Variants in PAPPA observed in about 807,000 individuals in gnomAD.
PAPPA encodes the protein pappalysin-1.
A neutral mutation model predicts 164.0 loss-of-function variants in PAPPA; 60 were observed. The observed-to-expected ratio is 0.37, with a 90% CI of 0.30 to 0.45. The LOEUF is 0.45. Among genes scored for constraint, PAPPA ranks in the 20% least tolerant of loss-of-function variants. PAPPA has a pLI of 1.00. For missense variants in PAPPA, 1,782 were observed against 2,087.3 expected (o/e 0.85, Z 2.85); for synonymous variants, 875 against 814.1 (o/e 1.07, Z -1.27).
intron 21 of PAPPA, among the ~76,000 whole-genome samples, chr9:116,383,401 A>C (rs1846758434): frequency 6.6e-6 from 1 of 152,216 alleles, no homozygotes; most frequent in African/African-American, 2.4e-5. Context: ...GAGACAGGAA[A>C]AGCAAAGAAT....
At chr9:116,323,084 C>G (rs926207547) in intron 10 of PAPPA, among the ~76,000 whole-genome samples, 2 of 152,178 alleles carry the variant, frequency 1.3e-5, no homozygotes, top group Non-Finnish European at 2.9e-5. Context: ...CCCCCGCTCC[C>G]CCTCTTCTCC....
chr9:116,382,603 C>T, intron 21 of PAPPA, 110 bp downstream of exon 21: 1 of 745,976 alleles, frequency 1.3e-6, no homozygotes, highest in South Asian at 1.4e-5. Context: ...TCTGCCAGCA[C>T]TGTCCACACG....
rs140618235 is a variant in PAPPA, at chr9:116,343,364, A to G, written c.3612-1179A>G. 4.6e-5 allele frequency among the ~76,000 whole-genome samples: 7 copies of G among 152,322 alleles called. No homozygotes were observed. The East Asian group carries it at 1.4e-3, about 29-fold the overall frequency. On this transcript the variant is annotated intron_variant, in intron 13 of 21. Coordinates refer to ENST00000328252, the MANE Select transcript of PAPPA (RefSeq NM_002581.5). The stretch of plus-strand genomic sequence containing the variant: ...CACTGAGGAACTGAGTTTTTAATAC[A>G]TCAAACATGAGGCAACAGCATTATA...
chr9:116,387,899 C>T (rs1023058582), intron 21 of PAPPA, among the ~76,000 whole-genome samples: 1 of 152,162 alleles, frequency 6.6e-6, no homozygotes, highest in African/African-American at 2.4e-5. Context: ...CTTCATAGAC[C>T]TCCAGGAATG....
In PAPPA at chr9:116,347,314, GT is replaced by G; in HGVS notation, c.3964+109del. 1 of 940,074 alleles carries G rather than the reference GT, an allele frequency of 1.1e-6. No homozygotes were observed. The highest frequency in any genetic ancestry group is 1.8e-5 in the South Asian group (1 of 56,636). The allele number at this position is 940,074 out of a possible 1,614,324, so 58.2% of individuals were successfully genotyped here. On this transcript the variant is annotated intron_variant, in intron 15 of 21. Coordinates refer to ENST00000328252, the MANE Select transcript of PAPPA (RefSeq NM_002581.5). The surrounding 1 kb of genome is among the most constrained non-coding windows in gnomAD (Gnocchi z 4.5). ...GTCTCAAACACCAAGGGTGGGATGGGTTTTATCTATGCTCCTGACTTCTTCC... is the reference window on the plus strand; with the variant it reads ...GTCTCAAACACCAAGGGTGGGATGGGTTTATCTATGCTCCTGACTTCTTCC...
At position 116,352,790 on chromosome 9, in the gene PAPPA, C is replaced by G; in HGVS notation, c.4049C>G (p.Pro1350Arg). The change falls in exon 16 of 22, where the codon CCC becomes CGC. Residue 1350 changes from proline (P) to arginine (R), a missense_variant. By Grantham distance (103) the Pro-to-Arg change is moderately radical. Coordinates refer to ENST00000328252, the MANE Select transcript of PAPPA (RefSeq NM_002581.5). ...TGTGAGCTCATGTGCCTCGCTCCAC[C>G]CCCTGTGCCCAATGCAGACCTCCAG... ...ALCELMCLAP[P>R]PVPNADLQTA... 1 of 1,613,980 alleles carries G rather than the reference C, an allele frequency of 6.2e-7. No homozygotes were observed. The highest frequency in any genetic ancestry group is 8.5e-7 in the Non-Finnish European group (1 of 1,179,968).
intron 7 of PAPPA, among the ~76,000 whole-genome samples, chr9:116,250,045 GTGTGT>G (rs780430131): frequency 0.012 from 1,769 of 149,530 alleles, 42 homozygotes; most frequent in African/African-American, 0.043. Context: ...GTGTGTGTGT[GTGTGT>G]GTTTGGAGCA....
chr9:116,233,088 G>A (rs1244403873), intron 6 of PAPPA, among the ~76,000 whole-genome samples: 1 of 152,192 alleles, frequency 6.6e-6, no homozygotes, highest in East Asian at 1.9e-4. Flanking sequence ...AATGTTCTAT[G>A]CTGTAACTTT....
chr9:116,322,371 T>A (rs1845867919), intron 10 of PAPPA, among the ~76,000 whole-genome samples: 1 of 134,416 alleles, frequency 7.4e-6, no homozygotes, highest in Non-Finnish European at 1.5e-5. Context: ...GATCGTGCCA[T>A]CGCATTCCAG....
At position 116,154,153 on chromosome 9, in the gene PAPPA, G is replaced by C. The variant is rs777692037; in HGVS notation, c.-20G>C. 7 of 1,429,460 alleles carry C rather than the reference G, an allele frequency of 4.9e-6. No individual in the cohort carries two copies. The highest frequency in any genetic ancestry group is 6.5e-6 in the Non-Finnish European group (7 of 1,080,004). The allele number at this position is 1,429,460 out of a possible 1,614,324, so 88.5% of individuals were successfully genotyped here. A position where few individuals can be genotyped will look rare whatever the true frequency, so the allele number is the denominator to read the frequency against. ...GGTGGCGGTGCAGGGGCGAAGGGGG[G>C]GCGGGGGGAACCGTCGGACATGCGG... On this transcript the variant is annotated 5_prime_UTR_variant, in exon 1 of 22. Coordinates refer to ENST00000328252, the MANE Select transcript of PAPPA (RefSeq NM_002581.5). The surrounding 1 kb of genome is among the most constrained non-coding windows in gnomAD (Gnocchi z 5.2).
chr9:116,159,413 G>T (rs935162255), intron 1 of PAPPA, among the ~76,000 whole-genome samples: 1 of 152,154 alleles, frequency 6.6e-6, no homozygotes, highest in Admixed American at 6.5e-5. Flanking sequence ...AGTTGCTGGG[G>T]AGTCTCTCTA....
chr9:116,244,660 A>G (rs1295146311), intron 7 of PAPPA, among the ~76,000 whole-genome samples: 1 of 152,168 alleles, frequency 6.6e-6, no homozygotes, highest in Non-Finnish European at 1.5e-5. Flanking sequence ...AAAGATAAAA[A>G]ATAACAGATG....
chr9:116,311,474 G>A (rs1288734152), intron 10 of PAPPA, among the ~76,000 whole-genome samples: 10 of 152,220 alleles, frequency 6.6e-5, no homozygotes, highest in African/African-American at 1.9e-4. Context: ...TAAAGTGACA[G>A]GTTATGTAGA....
intron 7 of PAPPA, among the ~76,000 whole-genome samples, chr9:116,261,127 T>C (rs2118802475): frequency 6.6e-6 from 1 of 152,328 alleles, no homozygotes; most frequent in African/African-American, 2.4e-5. Context: ...TTCGAGGGAT[T>C]GTTCTTTTGG....
chr9:116,401,581 CAT>C lies in PAPPA; in HGVS notation c.*4970_*4971del, dbSNP rs1194374698. On this transcript the variant is annotated 3_prime_UTR_variant, in exon 22 of 22. Transcript: ENST00000328252. ...ATATGCACATGTATATATAGTTGTA[CAT>C]ATATGTGTGTATATATATACTTAAA... 4 of 150,910 alleles carry C rather than the reference CAT, an allele frequency of 2.7e-5. No individual in the cohort carries two copies. Among genetic ancestry groups the C allele is most frequent in the South Asian group, 4.2e-4 (2 of 4,804 alleles). 9.3% of individuals were successfully genotyped at this position (150,910 alleles called of 1,614,324 possible).
At chr9:116,285,359 G>A (rs952167884) in intron 9 of PAPPA, among the ~76,000 whole-genome samples, 1 of 151,496 alleles carries the variant, frequency 6.6e-6, no homozygotes, top group Admixed American at 6.6e-5. Flanking sequence ...TGTAGACATG[G>A]GGTCTCACCA....
At chr9:116,199,684 C>T (rs77480555) in intron 2 of PAPPA, among the ~76,000 whole-genome samples, 2,660 of 152,162 alleles carry the variant, frequency 0.017, 64 homozygotes, top group East Asian at 0.11. Flanking sequence ...TCTTAGTTTG[C>T]TGTATATTGC....
intron 11 of PAPPA, 65 bp from the exon 12 acceptor site, chr9:116,332,268 T>TGTGGCTGCCTCCCCACCAC (rs1302881624): frequency 7.5e-6 from 11 of 1,471,698 alleles, no homozygotes; most frequent in Admixed American, 1.7e-5. Flanking sequence ...TGCACCCCAA[T>TGTGGCTGCCTCCCCACCAC]GTGGCTGCCT....
At position 116,331,718 on chromosome 9, in the gene PAPPA, A is replaced by G. The variant is rs141988650; in HGVS notation, c.3261+361A>G. Among the ~76,000 whole-genome samples, 12 of 152,246 alleles carry G rather than the reference A, an allele frequency of 7.9e-5. No homozygotes were observed. In the East Asian group the frequency reaches 2.1e-3, roughly 27 times the overall value. Reference sequence around the variant, plus strand: ...TCCTGCATGTTTGGTCGCTTGTTGGATGGTACTTGTCACATGGTATTACAG... The same window carrying G: ...TCCTGCATGTTTGGTCGCTTGTTGGGTGGTACTTGTCACATGGTATTACAG... On this transcript the variant is annotated intron_variant, in intron 11 of 21. Coordinates refer to ENST00000328252, the MANE Select transcript of PAPPA (RefSeq NM_002581.5).
Sources: gnomAD v4.1 joint callset for allele counts (sites outside exome capture counted in the v4.1 genomes callset) on GRCh38, gnomAD v4.1.1 for gene constraint, Gnocchi (gnomAD v3.1) non-coding constraint, MANE v1.5 for transcripts, NCBI Gene and HGNC (gene_info 2026-07-23, HGNC 2026-07-21) for gene names.